SSBP3: variants seen among roughly 807,000 people sequenced by gnomAD.
SSBP3 encodes single-stranded DNA-binding protein 3.
A neutral mutation model predicts 69.6 loss-of-function variants in SSBP3; 5 were observed. The ratio of observed to expected loss-of-function variants is 0.07; its 90% CI spans 0.04 to 0.15. SSBP3 has a LOEUF of 0.15. Ranked by LOEUF, SSBP3 falls within the 10% of genes least tolerant of loss-of-function variation. The pLI is 1.00. For synonymous variants in SSBP3, 196 were observed against 193.4 expected, an observed-to-expected ratio of 1.01 and a Z score of -0.11; for missense variants, 312 against 534.0, an observed-to-expected ratio of 0.58 and a Z score of 4.10.
At chr1:54,312,355 T>G (rs1004086623) in intron 4 of SSBP3, among the ~76,000 whole-genome samples, 2 of 151,630 alleles carry the variant, frequency 1.3e-5, no homozygotes, top group Non-Finnish European at 2.9e-5. Flanking sequence ...TTTGGGAGGC[T>G]GAGGTGGGTG....
chr1:54,271,613 CG>C (rs11326104), intron 5 of SSBP3, among the ~76,000 whole-genome samples: 144,064 of 152,234 alleles, frequency 0.95, 68,266 homozygotes, highest in East Asian at 1. Flanking sequence ...GCCTCCCTGA[CG>C]GCCGAGCTGG....
chr1:54,299,190 C>T (rs1375486371), intron 4 of SSBP3, among the ~76,000 whole-genome samples: 3 of 151,954 alleles, frequency 2.0e-5, no homozygotes, highest in Non-Finnish European at 4.4e-5. Flanking sequence ...TAAGGGGGCA[C>T]GCCTAGCCAA....
At chr1:54,287,229 C>G (rs2100916844) in intron 4 of SSBP3, 1 of 152,334 alleles carries the variant, frequency 6.6e-6, no homozygotes, top group East Asian at 1.9e-4. Context: ...CCAGGTCGGC[C>G]AACCCCTCCT....
chr1:54,265,089 G>T (rs920266310), intron 5 of SSBP3, among the ~76,000 whole-genome samples: 2 of 152,186 alleles, frequency 1.3e-5, no homozygotes, highest in Admixed American at 1.3e-4. Context: ...GCTCAGTCTG[G>T]GGAGAAGGTC....
chr1:54,397,412 C>A (rs768146810), intron 4 of SSBP3, among the ~76,000 whole-genome samples: 1 of 152,228 alleles, frequency 6.6e-6, no homozygotes, highest in Non-Finnish European at 1.5e-5. Context: ...CCCTGCCACA[C>A]AGCCACAAAT....
upstream of SSBP3, among the ~76,000 whole-genome samples, chr1:54,410,248 G>A (rs1473803913): frequency 3.3e-5 from 5 of 152,206 alleles, no homozygotes; most frequent in East Asian, 1.9e-4. Context: ...TAGAAGGGCC[G>A]CTCCTTCCTC....
At chr1:54,330,836 C>T (rs1359416569) in intron 4 of SSBP3, among the ~76,000 whole-genome samples, 1 of 152,200 alleles carries the variant, frequency 6.6e-6, no homozygotes, top group Non-Finnish European at 1.5e-5. Context: ...ACGCAGGCCA[C>T]CCTGAAGTCC....
intron 5 of SSBP3, among the ~76,000 whole-genome samples, chr1:54,266,472 C>G (rs7354953): frequency 6.6e-6 from 1 of 152,200 alleles, no homozygotes; most frequent in Non-Finnish European, 1.5e-5. Flanking sequence ...TTACAAAGAC[C>G]TGATGGCCCA....
intron 4 of SSBP3, among the ~76,000 whole-genome samples, chr1:54,401,013 CAAG>C (rs1649252947): frequency 6.6e-6 from 1 of 152,204 alleles, no homozygotes; most frequent in African/African-American, 2.4e-5. Flanking sequence ...ACAGGGCTAG[CAAG>C]AAGAACTGAA....
chr1:54,351,396 T>C (rs1646778844), intron 4 of SSBP3, among the ~76,000 whole-genome samples: 1 of 152,308 alleles, frequency 6.6e-6, no homozygotes. Context: ...AATTAGATTA[T>C]GTATGAAACA....
intron 7 of SSBP3, among the ~76,000 whole-genome samples, chr1:54,254,404 G>C (rs988462349): frequency 6.6e-6 from 1 of 152,176 alleles, no homozygotes; most frequent in African/African-American, 2.4e-5. Context: ...TCCTAAACCC[G>C]GCTGAACTCC....
chr1:54,411,321 T>C (rs182357944), upstream of SSBP3, among the ~76,000 whole-genome samples: 20 of 151,528 alleles, frequency 1.3e-4, no homozygotes, highest in Admixed American at 1.3e-3. Context: ...CTACTAAGAA[T>C]AGAAAAATTA....
intron 4 of SSBP3, among the ~76,000 whole-genome samples, chr1:54,353,752 C>A (rs987189018): frequency 6.6e-6 from 1 of 152,216 alleles, no homozygotes; most frequent in African/African-American, 2.4e-5. Flanking sequence ...TGGAACTACA[C>A]TGAATGGGGC....
intron 5 of SSBP3, among the ~76,000 whole-genome samples, chr1:54,260,508 C>CAA (rs1456968870): frequency 6.6e-6 from 1 of 152,240 alleles, no homozygotes; most frequent in Non-Finnish European, 1.5e-5. Context: ...GCAGCCTTTA[C>CAA]AAAGGACCAG....
Position 54,249,500 on chromosome 1 carries a change from G to A in SSBP3, c.651+2116C>T, listed in dbSNP as rs573851259. On this transcript the variant is annotated intron_variant, in intron 9 of 17. Coordinates refer to ENST00000610401, the Ensembl canonical transcript of SSBP3. ...ACTTGAGCCCAGGAGTTCAAGACCA[G>A]TCTGGGCAACATGGCAAGACCCTGT... Among the ~76,000 whole-genome samples, 13 of 152,132 alleles carry A rather than the reference G, an allele frequency of 8.5e-5. No homozygotes were observed. In the South Asian group the frequency reaches 2.1e-3, roughly 24 times the overall value.
Position 54,258,267 on chromosome 1 carries a change from G to C in SSBP3, c.367-118C>G. 1.3e-6 allele frequency: 1 copy of C among 753,844 alleles called. No individual in the cohort carries two copies. Among genetic ancestry groups the C allele is most frequent in the African/African-American group, 1.8e-5 (1 of 54,494 alleles). 46.7% of individuals were successfully genotyped at this position (753,844 alleles called of 1,614,324 possible). A position where few individuals can be genotyped will look rare whatever the true frequency, so the allele number is the denominator to read the frequency against. ...AGGGTGGGCGGCGGGCGTGCGGGGG[G>C]GTGGGCTCTGGTTGGTGGGAGGTGG... On this transcript the variant is annotated intron_variant, in intron 5 of 17. Coordinates refer to ENST00000610401, the Ensembl canonical transcript of SSBP3. The surrounding 1 kb of genome is among the most constrained non-coding windows in gnomAD (Gnocchi z 4.5).
At chr1:54,229,074 C>T (rs750219644) in intron 14 of SSBP3, among the ~76,000 whole-genome samples, 5 of 152,214 alleles carry the variant, frequency 3.3e-5, no homozygotes, top group Non-Finnish European at 7.3e-5. Context: ...CCACTGCCAC[C>T]CAACTCCACA....
chr1:54,377,030 T>C (rs1647266301), intron 4 of SSBP3, among the ~76,000 whole-genome samples: 2 of 151,984 alleles, frequency 1.3e-5, no homozygotes, highest in South Asian at 4.2e-4. Context: ...GAGAGAGAGG[T>C]AAGGCCCTCT....
intron 4 of SSBP3, among the ~76,000 whole-genome samples, chr1:54,325,994 T>C (rs975099038): frequency 1.3e-5 from 2 of 148,426 alleles, no homozygotes; most frequent in African/African-American, 5.0e-5. Context: ...CACCTTCATG[T>C]GATGGCTTAG....
Sources: gnomAD v4.1 joint callset for allele counts (sites outside exome capture counted in the v4.1 genomes callset) on GRCh38, gnomAD v4.1.1 for gene constraint, Gnocchi (gnomAD v3.1) non-coding constraint, MANE v1.5 for transcripts, NCBI Gene and HGNC (gene_info 2026-07-23, HGNC 2026-07-21) for gene names.